The following RPS27L variants were observed in gnomAD, a reference collection of about 807,000 sequenced individuals.
The protein encoded by RPS27L is ribosomal protein S27 like, also known as ribosomal protein eS27-like.
RPS27L carries 10 observed loss-of-function variants against 12.8 expected under a neutral mutation model. The ratio of observed to expected loss-of-function variants is 0.78; its 90% CI spans 0.48 to 1.33. RPS27L has a LOEUF of 1.33. RPS27L is among the 40% of genes most tolerant of loss of function. The pLI, the probability that RPS27L is intolerant of heterozygous loss-of-function variation, is 0.00. For missense variants in RPS27L, 81 were observed against 97.4 expected (o/e 0.83, Z 0.71); for synonymous variants, 26 against 32.3 (o/e 0.81, Z 0.66).
At chr15:63,157,293 C>T (rs2037338799) in intron 1 of RPS27L, 107 bp downstream of exon 1, 1 of 1,258,816 alleles carries the variant, frequency 7.9e-7, no homozygotes. Flanking sequence ...AGCCGCCTCG[C>T]CACTCTCGGA....
At position 63,155,613 on chromosome 15, in the gene RPS27L, T is replaced by C. The variant is rs2037326934; in HGVS notation, c.226+8A>G. Reference sequence around the variant, plus strand: ...CATCACTGGGTTGGAGAATGCCAAATGATATACCTTCTGTGAGTCTGGCCT... The same window carrying C: ...CATCACTGGGTTGGAGAATGCCAAACGATATACCTTCTGTGAGTCTGGCCT... On this transcript the variant is annotated splice_region_variant and intron_variant, in intron 3 of 3. Coordinates refer to ENST00000330964, the MANE Select transcript of RPS27L (RefSeq NM_015920.4). 2 of 1,551,614 alleles carry C rather than the reference T, an allele frequency of 1.3e-6. No homozygotes were observed. The highest frequency in any genetic ancestry group is 8.8e-7 in the Non-Finnish European group (1 of 1,134,520).
chr15:63,157,120 G>T, intron 1 of RPS27L: 1 of 524,304 alleles, frequency 1.9e-6, no homozygotes, highest in East Asian at 3.5e-5. Context: ...CAACCTCAGG[G>T]GCATCCTCAA....
At chr15:63,154,449 T>A (rs1395211099) in intron 3 of RPS27L, 2 of 169,666 alleles carry the variant, frequency 1.2e-5, no homozygotes, top group East Asian at 1.7e-4. Flanking sequence ...AGGAAAACTC[T>A]AGAACAGATA....
Position 63,151,666 on chromosome 15 carries a change from T to C in RPS27L, c.*2366A>G, listed in dbSNP as rs1305587599. 2 of 152,234 alleles carry C rather than the reference T, an allele frequency of 1.3e-5. No homozygotes were observed. The highest frequency in any genetic ancestry group is 1.3e-4 in the Admixed American group (2 of 15,280). 9.4% of individuals were successfully genotyped at this position (152,234 alleles called of 1,614,324 possible). A position where few individuals can be genotyped will look rare whatever the true frequency, so the allele number is the denominator to read the frequency against. ...AAAGCTGTCATCCCACTGTCTCTCC[T>C]TATAGCCAAGTATCCTAAACTGTGC... is the stretch of plus-strand genomic sequence containing the variant. On this transcript the variant is annotated 3_prime_UTR_variant, in exon 4 of 4. Coordinates refer to ENST00000330964, the MANE Select transcript of RPS27L (RefSeq NM_015920.4).
chr15:63,154,943 T>C (rs887984211), intron 3 of RPS27L: 7 of 152,030 alleles, frequency 4.6e-5, no homozygotes, highest in Admixed American at 6.6e-5. Context: ...ACTAAATATA[T>C]ATGGAACAAA....
intron 1 of RPS27L, chr15:63,156,795 G>A (rs954737226): frequency 3.5e-6 from 2 of 573,286 alleles, no homozygotes; most frequent in African/African-American, 3.8e-5. Context: ...ACTGCGTAAT[G>A]AACTGTCTTC....
At chr15:63,157,138 G>T in intron 1 of RPS27L, 1 of 556,270 alleles carries the variant, frequency 1.8e-6, no homozygotes, top group Non-Finnish European at 3.2e-6. Context: ...CAAAGACCAA[G>T]ACCGCTCATA....
At chr15:63,156,384 A>C (rs752830391) in intron 2 of RPS27L, 29 bp downstream of exon 2, 1 of 1,261,032 alleles carries the variant, frequency 7.9e-7, no homozygotes, top group South Asian at 1.3e-5. Context: ...AATTTTCTTT[A>C]GTAAAGGAAT....
intron 3 of RPS27L, chr15:63,154,673 G>C (rs2037320326): frequency 6.6e-6 from 1 of 152,162 alleles, no homozygotes; most frequent in African/African-American, 2.4e-5. Context: ...CTTCCAGTGA[G>C]AGCATGGAAC....
At position 63,148,852 on chromosome 15, in the gene RPS27L, C is replaced by CTTTTTTTT. The variant is rs138519912; in HGVS notation, c.*5172_*5179dup. On this transcript the variant is annotated 3_prime_UTR_variant, in exon 4 of 4. Coordinates refer to ENST00000330964, the MANE Select transcript of RPS27L (RefSeq NM_015920.4). ...CAAACACCATGACCTGATGTCATTT[C>CTTTTTTTT]TTTTTTTTTTTTTTTTTTTTTTTTC... is the stretch of plus-strand genomic sequence containing the variant. 1.7e-5 allele frequency: 2 copies of CTTTTTTTT among 119,446 alleles called. No homozygotes were observed. Among genetic ancestry groups the CTTTTTTTT allele is most frequent in the Admixed American group, 8.8e-5 (1 of 11,314 alleles). The allele number at this position is 119,446 out of a possible 1,614,324, so 7.4% of individuals were successfully genotyped here. A position where few individuals can be genotyped will look rare whatever the true frequency, so the allele number is the denominator to read the frequency against.
At chr15:63,157,250 T>G in intron 1 of RPS27L, 150 bp downstream of exon 1, 1 of 877,950 alleles carries the variant, frequency 1.1e-6, no homozygotes, top group Non-Finnish European at 1.9e-6. Flanking sequence ...AGTCACTACA[T>G]GCCCGCCACG....
rs770725884 is a variant in RPS27L, at chr15:63,155,725, T to C, written c.122A>G (p.Tyr41Cys). The C allele has an allele frequency of 6.8e-7, 1 of 1,472,274 alleles. No individual in the cohort carries two copies. Among genetic ancestry groups the C allele is most frequent in the African/African-American group, 1.5e-5 (1 of 68,332 alleles). The allele number at this position is 1,472,274 out of a possible 1,614,324, so 91.2% of individuals were successfully genotyped here. A position where few individuals can be genotyped will look rare whatever the true frequency, so the allele number is the denominator to read the frequency against. ...ATGGCTGAAAACCGTGGTGATCTTG[T>C]AGCAACCTAAAAAAAAAAAAAGGCA... ...YFMDVKCPGC[Y>C]KITTVFSHAQ... is the part of the protein sequence containing the mutation. Residue 41 changes from tyrosine (Y) to cysteine (C), a missense_variant, in exon 3 of 4, where the codon TAC becomes TGC. By Grantham distance (194) the Tyr-to-Cys change is radical (BLOSUM62 -2). Transcript: ENST00000330964.
intron 3 of RPS27L, 92 bp downstream of exon 3, chr15:63,155,529 A>G (rs781587326): frequency 1.3e-6 from 1 of 770,724 alleles, no homozygotes; most frequent in South Asian, 1.8e-5. Context: ...TATTTTGGTA[A>G]TCATTAAGAT....
rs2037292432 is a variant in RPS27L, at chr15:63,150,294, T to C, written c.*3738A>G. 1 of 152,162 alleles carries C rather than the reference T, an allele frequency of 6.6e-6. No homozygotes were observed. The allele number at this position is 152,162 out of a possible 1,614,324, so 9.4% of individuals were successfully genotyped here. A position where few individuals can be genotyped will look rare whatever the true frequency, so the allele number is the denominator to read the frequency against. On this transcript the variant is annotated 3_prime_UTR_variant, in exon 4 of 4. Transcript: ENST00000330964. ...ATACGAAATAGCATTATATGAAATA[T>C]TGAGAAGAAGCAAATCCATGGAGAC...
rs1158355536 is a variant in RPS27L, at chr15:63,150,464, A to G, written c.*3568T>C. The G allele has an allele frequency of 6.6e-6, 1 of 152,190 alleles. No homozygotes were observed. The highest frequency in any genetic ancestry group is 1.9e-4 in the East Asian group (1 of 5,192). 9.4% of individuals were successfully genotyped at this position (152,190 alleles called of 1,614,324 possible). A position where few individuals can be genotyped will look rare whatever the true frequency, so the allele number is the denominator to read the frequency against. On this transcript the variant is annotated 3_prime_UTR_variant, in exon 4 of 4. Coordinates refer to ENST00000330964, the MANE Select transcript of RPS27L (RefSeq NM_015920.4). The stretch of plus-strand genomic sequence containing the variant: ...GTTGCACAACCTTGTAAATATAGTA[A>G]AAACTACTGACTTTTACATCACAGA...
chr15:63,150,576 G>C lies in RPS27L; in HGVS notation c.*3456C>G, dbSNP rs1052189102. The C allele has an allele frequency of 2.0e-5, 3 of 152,132 alleles. No homozygotes were observed. Among genetic ancestry groups the C allele is most frequent in the African/African-American group, 7.2e-5 (3 of 41,422 alleles). The allele number at this position is 152,132 out of a possible 1,614,324, so 9.4% of individuals were successfully genotyped here. On this transcript the variant is annotated 3_prime_UTR_variant, in exon 4 of 4. Transcript: ENST00000330964. ...GCTTTATCAGATGACTTACAGGAAC[G>C]ACCAGACACAAAACCATTTGTCATC...
chr15:63,156,850 C>G (rs969489253), intron 1 of RPS27L: 9 of 507,672 alleles, frequency 1.8e-5, no homozygotes, highest in African/African-American at 1.6e-4. Context: ...AGAAAGTGAC[C>G]CCGACTGTGG....
intron 3 of RPS27L, chr15:63,155,058 G>T: frequency 6.6e-6 from 1 of 152,240 alleles, no homozygotes; most frequent in African/African-American, 2.4e-5. Flanking sequence ...GGAGGCCGAG[G>T]CGGGCAGACC....
At position 63,150,792 on chromosome 15, in the gene RPS27L, C is replaced by T. The variant is rs1394602830; in HGVS notation, c.*3240G>A. 6.6e-6 allele frequency: 1 copy of T among 152,234 alleles called. No individual in the cohort carries two copies. The highest frequency in any genetic ancestry group is 2.4e-5 in the African/African-American group (1 of 41,440). 9.4% of individuals were successfully genotyped at this position (152,234 alleles called of 1,614,324 possible). A position where few individuals can be genotyped will look rare whatever the true frequency, so the allele number is the denominator to read the frequency against. On this transcript the variant is annotated 3_prime_UTR_variant, in exon 4 of 4. Transcript: ENST00000330964. ...AGTAGCTGGGACTACAGGCGCCCACCACCATGCCCGGCTAATTTTTTGTAT... is the reference window on the plus strand; with the variant it reads ...AGTAGCTGGGACTACAGGCGCCCACTACCATGCCCGGCTAATTTTTTGTAT...
Sources: gnomAD v4.1 joint callset for allele counts on GRCh38, gnomAD v4.1.1 for gene constraint, MANE v1.5 for transcripts, NCBI Gene and HGNC (gene_info 2026-07-23, HGNC 2026-07-21) for gene names.